ABTB2: variants seen among roughly 807,000 people sequenced by gnomAD.
ABTB2 encodes ankyrin repeat and BTB/POZ domain-containing protein 2.
In ABTB2, 56 loss-of-function variants were observed where a neutral mutation model predicts 104.1. The observed-to-expected ratio is 0.54, with a 90% confidence interval of 0.43 to 0.67. ABTB2 has a LOEUF of 0.67. Ranked by LOEUF, ABTB2 falls within the 30% of genes least tolerant of loss-of-function variation. The probability of loss-of-function intolerance (pLI) is 0.00; values close to 1 mark genes in which losing one functional copy is unlikely to be tolerated. For missense variants in ABTB2, 1,279 were observed against 1,407.7 expected (o/e 0.91, Z 1.46); for synonymous variants, 606 against 608.2 (o/e 1.00, Z 0.05).
intron 3 of ABTB2, among the ~76,000 whole-genome samples, chr11:34,195,086 A>AGGGGGGGG (rs1442576699): frequency 5.3e-5 from 2 of 38,066 alleles, no homozygotes; most frequent in Non-Finnish European, 1.4e-4. Flanking sequence ...GGGGGGGGGG[A>AGGGGGGGG]GTGGGGGCGG....
rs760306675 is a variant in ABTB2 at position 34,173,229 on chromosome 11, G to A, written c.1323C>T (p.Thr441=). The part of the protein sequence containing the change: ...ITYAEHRRSL[T]VDSGDIRQAA... The stretch of plus-strand genomic sequence containing the variant: ...CCTGCCGGATGTCGCCGCTGTCCAC[G>A]GTGAGGCTGCGGCGGTGCTCTGCGT... Residue 441 remains threonine (T), a synonymous_variant, in exon 4 of 17, where the codon ACC becomes ACT. Coordinates refer to ENST00000435224, the MANE Select transcript of ABTB2 (RefSeq NM_145804.3). 20 of 1,613,298 alleles carry A rather than the reference G, an allele frequency of 1.2e-5. No individual in the cohort carries two copies. In the East Asian group the frequency reaches 1.3e-4, roughly 11 times the overall value.
intron 1 of ABTB2, among the ~76,000 whole-genome samples, chr11:34,244,380 A>G (rs1853957038): frequency 6.6e-6 from 1 of 152,222 alleles, no homozygotes; most frequent in Admixed American, 6.5e-5. Context: ...GTTTCACCAC[A>G]ATACAAAGAG....
intron 3 of ABTB2, among the ~76,000 whole-genome samples, chr11:34,186,758 C>T (rs1853105721): frequency 6.6e-6 from 1 of 152,180 alleles, no homozygotes; most frequent in Admixed American, 6.5e-5. Context: ...GCCCCGAATC[C>T]CTGGCTCGCT....
intron 16 of ABTB2, among the ~76,000 whole-genome samples, chr11:34,153,456 C>T (rs1852576702): frequency 6.6e-6 from 1 of 152,114 alleles, no homozygotes; most frequent in Non-Finnish European, 1.5e-5. Context: ...ACAGTCTCAA[C>T]CTCCCGGGCT....
At chr11:34,209,393 T>C (rs1218076149) in intron 1 of ABTB2, among the ~76,000 whole-genome samples, 1 of 149,212 alleles carries the variant, frequency 6.7e-6, no homozygotes, top group African/African-American at 2.5e-5. Context: ...AACGTCCTTC[T>C]CTGCTTTTTG....
At chr11:34,152,611 A>G (rs796710234) in intron 16 of ABTB2, 27 bp from the exon 17 acceptor site, 2 of 1,592,786 alleles carry the variant, frequency 1.3e-6, no homozygotes, top group Non-Finnish European at 1.7e-6. Context: ...GGAGGGGTGA[A>G]GCCCATCGCC....
rs963040369 is a variant in ABTB2, at chr11:34,273,484, C to A, written c.884-68794G>T. On this transcript the variant is annotated intron_variant, in intron 1 of 16. Transcript: ENST00000435224. Reference sequence around the variant, plus strand: ...TGGTTCTACTCACTTCTCCACTGGACGAAGCCAGCATTTGACCCCAGACAA... The same window carrying A: ...TGGTTCTACTCACTTCTCCACTGGAAGAAGCCAGCATTTGACCCCAGACAA... 2.0e-5 allele frequency among the ~76,000 whole-genome samples: 3 copies of A among 152,098 alleles called. No individual in the cohort carries two copies. In the East Asian group the frequency reaches 5.8e-4, roughly 29 times the overall value.
At chr11:34,297,831 C>T (rs1443099010) in intron 1 of ABTB2, among the ~76,000 whole-genome samples, 1 of 150,756 alleles carries the variant, frequency 6.6e-6, no homozygotes, top group African/African-American at 2.4e-5. Flanking sequence ...CAGGTGTTGC[C>T]GACGTGATGG....
intron 1 of ABTB2, among the ~76,000 whole-genome samples, chr11:34,282,084 C>T (rs574938477): frequency 6.6e-6 from 1 of 152,240 alleles, no homozygotes; most frequent in Non-Finnish European, 1.5e-5. Context: ...AGTACAAGAT[C>T]AAGGGAGATA....
chr11:34,320,641 G>A (rs962705696), intron 1 of ABTB2, among the ~76,000 whole-genome samples: 1 of 152,132 alleles, frequency 6.6e-6, no homozygotes, highest in African/African-American at 2.4e-5. Flanking sequence ...TAACCTTCAC[G>A]AAGGACTTAC....
chr11:34,261,362 CA>C (rs1854185425), intron 1 of ABTB2, among the ~76,000 whole-genome samples: 1 of 152,050 alleles, frequency 6.6e-6, no homozygotes, highest in Non-Finnish European at 1.5e-5. Flanking sequence ...CCTTGCTTGA[CA>C]AAACTATTTA....
At chr11:34,201,366 A>C (rs1853334280) in intron 2 of ABTB2, among the ~76,000 whole-genome samples, 1 of 152,120 alleles carries the variant, frequency 6.6e-6, no homozygotes, top group Non-Finnish European at 1.5e-5. Flanking sequence ...AGCAGGAGAG[A>C]GTCTGGAATT....
intron 1 of ABTB2, among the ~76,000 whole-genome samples, chr11:34,230,041 G>A (rs1220514341): frequency 2.0e-5 from 3 of 152,126 alleles, no homozygotes; most frequent in South Asian, 2.1e-4. Context: ...GCCCCTAGTC[G>A]GATACAGCTA....
chr11:34,315,084 A>AT (rs1434736902), intron 1 of ABTB2, among the ~76,000 whole-genome samples: 1 of 152,234 alleles, frequency 6.6e-6, no homozygotes, highest in African/African-American at 2.4e-5. Flanking sequence ...TCAAAATTCC[A>AT]TATTAAAAAG....
At chr11:34,208,972 C>G (rs115181660) in intron 1 of ABTB2, among the ~76,000 whole-genome samples, 4,437 of 152,200 alleles carry the variant, frequency 0.029, 217 homozygotes, top group African/African-American at 0.1. Context: ...CTTGCTCCAG[C>G]TTTGTACTCT....
chr11:34,258,817 T>C (rs913408067), intron 1 of ABTB2, among the ~76,000 whole-genome samples: 1 of 151,942 alleles, frequency 6.6e-6, no homozygotes, highest in Admixed American at 6.6e-5. Context: ...GCCAGGCTGG[T>C]CTCAAACTCC....
intron 1 of ABTB2, among the ~76,000 whole-genome samples, chr11:34,308,476 T>C (rs1854805306): frequency 6.6e-6 from 1 of 152,180 alleles, no homozygotes; most frequent in Non-Finnish European, 1.5e-5. Flanking sequence ...GATCACATCT[T>C]GGGGTCACTC....
chr11:34,326,762 G>A (rs1855075523), intron 1 of ABTB2, among the ~76,000 whole-genome samples: 1 of 152,038 alleles, frequency 6.6e-6, no homozygotes, highest in Non-Finnish European at 1.5e-5. Context: ...TAGATTAAAT[G>A]TAAATGTTCT....
intron 1 of ABTB2, among the ~76,000 whole-genome samples, chr11:34,329,950 T>A (rs1855110647): frequency 6.6e-6 from 1 of 152,228 alleles, no homozygotes; most frequent in Non-Finnish European, 1.5e-5. Flanking sequence ...AATGATGCAC[T>A]GGATTCCCAG....
Sources: gnomAD v4.1 joint callset for allele counts (sites outside exome capture counted in the v4.1 genomes callset) on GRCh38, gnomAD v4.1.1 for gene constraint, MANE v1.5 for transcripts, NCBI Gene and HGNC (gene_info 2026-07-23, HGNC 2026-07-21) for gene names.